The following PCSK2 variants were observed in gnomAD, a reference collection of about 807,000 sequenced individuals.
PCSK2 encodes the protein proprotein convertase subtilisin/kexin type 2, also known as neuroendocrine convertase 2.
PCSK2 carries 14 observed loss-of-function variants against 69.7 expected under a neutral mutation model. That is an observed-to-expected ratio of 0.20 (90% CI 0.13 to 0.31). The LOEUF is 0.31. PCSK2 is among the 10% of genes least tolerant of loss of function. The pLI is 1.00. For synonymous variants in PCSK2, 307 were observed against 320.7 expected (o/e 0.96, Z 0.46); for missense variants, 544 against 842.5 (o/e 0.65, Z 4.39).
intron 11 of PCSK2, among the ~76,000 whole-genome samples, chr20:17,472,191 C>A (rs2033213636): frequency 6.6e-6 from 1 of 152,186 alleles, no homozygotes; most frequent in Non-Finnish European, 1.5e-5. Context: ...CTCTGGGCAC[C>A]CTGAGGGGAC....
At chr20:17,468,960 A>AT (rs1226449148) in intron 11 of PCSK2, among the ~76,000 whole-genome samples, 5 of 152,244 alleles carry the variant, frequency 3.3e-5, no homozygotes, top group Non-Finnish European at 5.9e-5. Context: ...ACAGTCCATG[A>AT]TTTAAGAAGG....
chr20:17,353,470 A>AAG (rs2030075310), intron 2 of PCSK2, among the ~76,000 whole-genome samples: 1 of 151,622 alleles, frequency 6.6e-6, no homozygotes, highest in Admixed American at 6.6e-5. Context: ...TCACACAAAA[A>AAG]AAAAAAAAAA....
At chr20:17,447,736 G>A (rs1043092179) in intron 8 of PCSK2, among the ~76,000 whole-genome samples, 1 of 152,052 alleles carries the variant, frequency 6.6e-6, no homozygotes, top group African/African-American at 2.4e-5. Context: ...AGCATTCCAT[G>A]TACATTCAAG....
intron 8 of PCSK2, among the ~76,000 whole-genome samples, chr20:17,444,313 G>T (rs895228241): frequency 6.6e-6 from 1 of 152,170 alleles, no homozygotes; most frequent in Non-Finnish European, 1.5e-5. Context: ...GGCATGCACT[G>T]TTTGCCATAG....
At chr20:17,369,741 G>C (rs1464727369) in intron 5 of PCSK2, among the ~76,000 whole-genome samples, 1 of 152,168 alleles carries the variant, frequency 6.6e-6, no homozygotes, top group Non-Finnish European at 1.5e-5. Flanking sequence ...GACTTGGCAA[G>C]GTTTAAATCA....
chr20:17,341,662 T>C (rs1336714940), intron 2 of PCSK2, among the ~76,000 whole-genome samples: 1 of 152,210 alleles, frequency 6.6e-6, no homozygotes, highest in Non-Finnish European at 1.5e-5. Context: ...CTGCTTTTCA[T>C]GGCGTGTCTT....
At chr20:17,456,627 G>A (rs544271682) in intron 10 of PCSK2, among the ~76,000 whole-genome samples, 179 bp downstream of exon 10, 29 of 152,298 alleles carry the variant, frequency 1.9e-4, no homozygotes, top group East Asian at 1.5e-3. Flanking sequence ...GCACACGTGC[G>A]TGTGCATACA....
intron 6 of PCSK2, among the ~76,000 whole-genome samples, chr20:17,424,682 A>G (rs574006945): frequency 1.3e-5 from 2 of 152,174 alleles, no homozygotes; most frequent in South Asian, 4.2e-4. Flanking sequence ...TAGTAGAGAC[A>G]GGGTTTCACC....
intron 5 of PCSK2, among the ~76,000 whole-genome samples, chr20:17,389,678 A>G (rs1568629704): frequency 6.6e-6 from 1 of 152,134 alleles, no homozygotes; most frequent in Non-Finnish European, 1.5e-5. Flanking sequence ...TGAGGACTAG[A>G]ATGGGTAAGG....
intron 5 of PCSK2, among the ~76,000 whole-genome samples, chr20:17,385,790 A>G (rs2031219057): frequency 6.6e-6 from 1 of 152,198 alleles, no homozygotes. Context: ...AGTGTGTCCT[A>G]CTGTGGGCAA....
chr20:17,468,147 T>C (rs1321985115), intron 11 of PCSK2, among the ~76,000 whole-genome samples: 3 of 106,406 alleles, frequency 2.8e-5, no homozygotes, highest in Admixed American at 2.8e-4. Flanking sequence ...TCCTGCCATA[T>C]ACGGGCAGCC....
chr20:17,301,743 C>T, intron 2 of PCSK2, among the ~76,000 whole-genome samples: 1 of 152,058 alleles, frequency 6.6e-6, no homozygotes, highest in East Asian at 1.9e-4. Context: ...CCAGCCTGGC[C>T]AACATGGTGA....
chr20:17,348,094 A>AGAAT (rs1990749050), intron 2 of PCSK2, among the ~76,000 whole-genome samples: 5 of 146,200 alleles, frequency 3.4e-5, no homozygotes, highest in South Asian at 4.3e-4. Flanking sequence ...AAAGAAAGAA[A>AGAAT]GAAAGAAAGA....
intron 1 of PCSK2, among the ~76,000 whole-genome samples, chr20:17,238,961 G>A (rs942082229): frequency 6.6e-6 from 1 of 152,108 alleles, no homozygotes. Flanking sequence ...TAAAGGCTTA[G>A]CATCATCATT....
Position 17,259,641 on chromosome 20 carries a change from C to T in PCSK2, c.178-599C>T, listed in dbSNP as rs377155090. On this transcript the variant is annotated intron_variant, in intron 1 of 11. Coordinates refer to ENST00000262545, the MANE Select transcript of PCSK2 (RefSeq NM_002594.5). ...ATTACTGTGACTTCTCTGACTGGTTCTGACCTGATTTCAAGGATCCTTGAG... is the reference window on the plus strand; with the variant it reads ...ATTACTGTGACTTCTCTGACTGGTTTTGACCTGATTTCAAGGATCCTTGAG... 7.2e-5 allele frequency among the ~76,000 whole-genome samples: 11 copies of T among 152,172 alleles called. No homozygotes were observed. The East Asian group carries it at 1.3e-3, about 19-fold the overall frequency.
intron 2 of PCSK2, among the ~76,000 whole-genome samples, chr20:17,281,869 G>A (rs1165095690): frequency 6.6e-6 from 1 of 152,148 alleles, no homozygotes; most frequent in East Asian, 1.9e-4. Context: ...TATGGATAAA[G>A]ATTCTCTCTG....
At chr20:17,338,899 C>G (rs1244788105) in intron 2 of PCSK2, among the ~76,000 whole-genome samples, 2 of 152,166 alleles carry the variant, frequency 1.3e-5, no homozygotes, top group African/African-American at 4.8e-5. Context: ...AGCAGAACTT[C>G]CAGCAAATCG....
At chr20:17,358,096 G>A (rs895117094) in intron 2 of PCSK2, among the ~76,000 whole-genome samples, 2 of 151,748 alleles carry the variant, frequency 1.3e-5, no homozygotes, top group African/African-American at 2.4e-5. Flanking sequence ...ACTTGAGCTC[G>A]GGAGTTCGAG....
chr20:17,429,377 G>A (rs901409059), intron 6 of PCSK2, 58 bp from the exon 7 acceptor site: 20 of 1,260,930 alleles, frequency 1.6e-5, no homozygotes, highest in Non-Finnish European at 2.3e-5. Flanking sequence ...GAGCCCATGA[G>A]AGATCTAGCC....
Sources: allele counts gnomAD v4.1 joint callset (sites outside exome capture counted in the v4.1 genomes callset), GRCh38; gene constraint gnomAD v4.1.1; transcripts MANE v1.5; gene names NCBI Gene and HGNC (gene_info 2026-07-23, HGNC 2026-07-21).